NUDCD3: variants seen among roughly 807,000 people sequenced by gnomAD.
NUDCD3 encodes the protein NudC domain containing 3.
NUDCD3 carries 13 observed loss-of-function variants against 39.7 expected under a neutral mutation model. The ratio of observed to expected loss-of-function variants is 0.33; its 90% CI spans 0.21 to 0.52. NUDCD3 has a LOEUF of 0.52. NUDCD3 is among the 20% of genes least tolerant of loss of function. The probability of loss-of-function intolerance (pLI) is 0.96; values close to 1 mark genes in which losing one functional copy is unlikely to be tolerated. For synonymous variants in NUDCD3, 175 were observed against 172.4 expected, an observed-to-expected ratio of 1.02 and a Z score of -0.12; for missense variants, 453 against 458.1, an observed-to-expected ratio of 0.99 and a Z score of 0.10.
At chr7:44,488,928 C>T (rs980493087) in intron 1 of NUDCD3, among the ~76,000 whole-genome samples, 1 of 152,152 alleles carries the variant, frequency 6.6e-6, no homozygotes, top group Non-Finnish European at 1.5e-5. Flanking sequence ...AATAAGATAA[C>T]GACCCCAGAA....
rs115207933 is a variant in NUDCD3, at chr7:44,391,464, G to T, written c.975+833C>A. Among the ~76,000 whole-genome samples the T allele has an allele frequency of 5.7e-3, 863 of 152,312 alleles. 5 individuals are homozygous for T. Among genetic ancestry groups the T allele is most frequent in the African/African-American group, 0.02 (816 of 41,558 alleles). On this transcript the variant is annotated intron_variant, in intron 5 of 5. Coordinates refer to ENST00000355451, the MANE Select transcript of NUDCD3 (RefSeq NM_015332.4). ...CAATCCAGATACACCACAAGGTAAG[G>T]TTCCTCCAAGAGACAAAATGAGAAG...
chr7:44,418,785 G>C (rs1192494590), intron 3 of NUDCD3, among the ~76,000 whole-genome samples: 2 of 152,216 alleles, frequency 1.3e-5, no homozygotes, highest in African/African-American at 4.8e-5. Context: ...GTGAGCAGAA[G>C]CAGGGTGGGA....
chr7:44,450,820 C>T (rs952042825), intron 2 of NUDCD3, among the ~76,000 whole-genome samples: 1 of 152,028 alleles, frequency 6.6e-6, no homozygotes, highest in African/African-American at 2.4e-5. Flanking sequence ...CACACAAAGA[C>T]TTGTACACAA....
intron 3 of NUDCD3, among the ~76,000 whole-genome samples, chr7:44,419,420 A>C (rs1018122128): frequency 6.6e-6 from 1 of 152,188 alleles, no homozygotes; most frequent in Non-Finnish European, 1.5e-5. Context: ...GCAGACTTAA[A>C]CATTCTTGCC....
chr7:44,403,121 A>G (rs923613489), intron 4 of NUDCD3, among the ~76,000 whole-genome samples: 1 of 152,198 alleles, frequency 6.6e-6, no homozygotes, highest in Non-Finnish European at 1.5e-5. Flanking sequence ...TGCAGGCAGG[A>G]GAAGAGCACT....
At chr7:44,392,595 C>A (rs527583831) in intron 4 of NUDCD3, 110 bp from the exon 5 acceptor site, 9 of 902,216 alleles carry the variant, frequency 1.0e-5, no homozygotes, top group Admixed American at 4.8e-5. Context: ...AGCTCAGGAC[C>A]AACTACACAA....
At chr7:44,418,642 C>G (rs146466366) in intron 3 of NUDCD3, among the ~76,000 whole-genome samples, 166 of 152,326 alleles carry the variant, frequency 1.1e-3, no homozygotes, top group Admixed American at 3.0e-3. Flanking sequence ...GGCAAGACAG[C>G]TGAATAGGAA....
intron 2 of NUDCD3, among the ~76,000 whole-genome samples, chr7:44,430,418 A>G (rs528881313): frequency 1.3e-5 from 2 of 152,332 alleles, no homozygotes; most frequent in African/African-American, 4.8e-5. Context: ...CATGCAGAGA[A>G]TATCTCCAAA....
At chr7:44,433,433 CTG>C (rs1799404223) in intron 2 of NUDCD3, among the ~76,000 whole-genome samples, 2 of 151,706 alleles carry the variant, frequency 1.3e-5, no homozygotes, top group Admixed American at 1.3e-4. Flanking sequence ...GGCACATGTA[CTG>C]TGTGTGCAGT....
intron 2 of NUDCD3, among the ~76,000 whole-genome samples, chr7:44,447,735 C>T (rs1214006357): frequency 3.3e-5 from 5 of 152,192 alleles, no homozygotes; most frequent in Non-Finnish European, 7.4e-5. Flanking sequence ...AACTGAAACA[C>T]CATCCTTGCA....
chr7:44,485,002 C>A lies in NUDCD3; in HGVS notation c.475G>T (p.Ala159Ser). 1 of 1,613,756 alleles carries A rather than the reference C, an allele frequency of 6.2e-7. No homozygotes were observed. Among genetic ancestry groups the A allele is most frequent in the African/African-American group, 1.3e-5 (1 of 75,054 alleles). The part of the protein sequence containing the change: ...AEAPGAVAGA[A>S]EVPREPPILP... The stretch of plus-strand genomic sequence containing the variant: ...ATTGGTGGTTCCCTAGGGACTTCAG[C>A]AGCACCAGCAACTGCTCCTGGAGCT... Residue 159 changes from alanine to serine, a missense_variant, in exon 2 of 6, where the codon GCT (alanine) becomes TCT (serine). By Grantham distance (99) the Ala-to-Ser change is moderately conservative. Transcript: ENST00000355451.
chr7:44,391,801 A>G (rs10239391), intron 5 of NUDCD3, among the ~76,000 whole-genome samples: 20,553 of 152,200 alleles, frequency 0.14, 1,717 homozygotes, highest in Non-Finnish European at 0.19. Flanking sequence ...TGGGCACTAC[A>G]CTGGTCAGAC....
chr7:44,448,789 A>G (rs1358599566), intron 2 of NUDCD3, among the ~76,000 whole-genome samples: 1 of 152,124 alleles, frequency 6.6e-6, no homozygotes, highest in Non-Finnish European at 1.5e-5. Flanking sequence ...AGAGAGAGAG[A>G]GAAAAAAAAA....
chr7:44,424,982 G>A (rs1004351662), intron 3 of NUDCD3, among the ~76,000 whole-genome samples: 1 of 152,204 alleles, frequency 6.6e-6, no homozygotes, highest in Non-Finnish European at 1.5e-5. Flanking sequence ...ATGAGTTCAT[G>A]TCCTTTGCAG....
In NUDCD3 at chr7:44,382,325, A is replaced by C. The variant is rs1280962237; in HGVS notation, c.*3686T>G. 1 of 151,890 alleles carries C rather than the reference A, an allele frequency of 6.6e-6. No homozygotes were observed. The highest frequency in any genetic ancestry group is 1.5e-5 in the Non-Finnish European group (1 of 67,954). 9.4% of individuals were successfully genotyped at this position (151,890 alleles called of 1,614,324 possible). On this transcript the variant is annotated 3_prime_UTR_variant, in exon 6 of 6. Transcript: ENST00000355451. ...ACCCATGTAACAACCCTTGAACCTAAAGTTGGAAAGAAAAAAAAAGGTAAA... is the reference window on the plus strand; with the variant it reads ...ACCCATGTAACAACCCTTGAACCTACAGTTGGAAAGAAAAAAAAAGGTAAA...
At chr7:44,387,765 C>G (rs1798426546) in intron 5 of NUDCD3, among the ~76,000 whole-genome samples, 1 of 152,152 alleles carries the variant, frequency 6.6e-6, no homozygotes. Flanking sequence ...CCTAGGGTGC[C>G]AAGATCAGCA....
intron 3 of NUDCD3, among the ~76,000 whole-genome samples, chr7:44,417,132 C>G (rs1799042481): frequency 1.3e-5 from 2 of 152,242 alleles, no homozygotes; most frequent in African/African-American, 4.8e-5. Flanking sequence ...CCCACATGCC[C>G]AGTTCCTGGG....
intron 2 of NUDCD3, among the ~76,000 whole-genome samples, chr7:44,477,467 T>C (rs1306195166): frequency 6.6e-6 from 1 of 152,226 alleles, no homozygotes; most frequent in Non-Finnish European, 1.5e-5. Flanking sequence ...TTCAGAGATT[T>C]TTGTCAGCAT....
At chr7:44,473,956 A>T (rs1267939153) in intron 2 of NUDCD3, among the ~76,000 whole-genome samples, 1 of 152,206 alleles carries the variant, frequency 6.6e-6, no homozygotes, top group African/African-American at 2.4e-5. Flanking sequence ...TTTAATTAGG[A>T]CACTATAAGA....
Sources: allele counts gnomAD v4.1 joint callset (sites outside exome capture counted in the v4.1 genomes callset), GRCh38; gene constraint gnomAD v4.1.1; transcripts MANE v1.5; gene names NCBI Gene and HGNC (gene_info 2026-07-23, HGNC 2026-07-21).